The following UBAC2 variants were observed in gnomAD, a reference collection of about 807,000 sequenced individuals.
The protein encoded by UBAC2 is ubiquitin-associated domain-containing protein 2.
UBAC2 carries 26 observed loss-of-function variants against 44.0 expected under a neutral mutation model. The ratio of observed to expected loss-of-function variants is 0.59; its 90% CI spans 0.43 to 0.82. UBAC2 has a LOEUF of 0.82. UBAC2 is among the 40% of genes least tolerant of loss of function. The pLI is 0.00. For missense variants in UBAC2, 329 were observed against 419.4 expected (o/e 0.78, Z 1.88); for synonymous variants, 155 against 154.3 (o/e 1.00, Z -0.04).
intron 1 of UBAC2, among the ~76,000 whole-genome samples, chr13:99,223,548 T>G (rs1218178387): frequency 8.9e-6 from 1 of 112,340 alleles, no homozygotes; most frequent in Non-Finnish European, 2.3e-5. Flanking sequence ...TTCTGTTTTT[T>G]TTTTTTTTTT....
Position 99,338,071 on chromosome 13 carries a change from T to TTTTTTTTTA in UBAC2, c.562-2245_562-2244insTTTTATTTT, listed in dbSNP as rs1555330450. Among the ~76,000 whole-genome samples the TTTTTTTTTA allele has an allele frequency of 8.8e-4, 92 of 105,134 alleles. 1 individual carries two copies. Among genetic ancestry groups the TTTTTTTTTA allele is most frequent in the Non-Finnish European group, 1.4e-3 (76 of 52,662 alleles). 69.0% of individuals were successfully genotyped at this position (105,134 alleles called of 152,430 possible). A position where few individuals can be genotyped will look rare whatever the true frequency, so the allele number is the denominator to read the frequency against. On this transcript the variant is annotated intron_variant, in intron 6 of 8. Transcript: ENST00000403766. ...TCTTTTTTTTTTTTTTTTTTTTTTT[T>TTTTTTTTTA]TTTTGAGACAGAGTCTCACTGTGTC...
chr13:99,284,253 G>A (rs1364889538), intron 4 of UBAC2, among the ~76,000 whole-genome samples: 4 of 152,222 alleles, frequency 2.6e-5, no homozygotes. Context: ...TTGGGGGGAA[G>A]TGCCCCCATG....
intron 6 of UBAC2, among the ~76,000 whole-genome samples, chr13:99,324,392 C>T (rs569221871): frequency 6.6e-6 from 1 of 151,304 alleles, no homozygotes; most frequent in South Asian, 2.2e-4. Flanking sequence ...TCCACCATTG[C>T]TCTGTCCCCT....
chr13:99,339,472 A>C (rs1054613234), intron 6 of UBAC2, among the ~76,000 whole-genome samples: 1 of 152,204 alleles, frequency 6.6e-6, no homozygotes, highest in African/African-American at 2.4e-5. Flanking sequence ...CTGTATTCTA[A>C]GTTCCCAGAA....
intron 1 of UBAC2, among the ~76,000 whole-genome samples, chr13:99,213,931 T>C (rs2042962522): frequency 6.6e-6 from 1 of 152,170 alleles, no homozygotes; most frequent in Non-Finnish European, 1.5e-5. Context: ...GCGATTCTCC[T>C]GTCTCAGCCT....
At chr13:99,285,485 T>C (rs768880759) in intron 4 of UBAC2, among the ~76,000 whole-genome samples, 8 of 152,044 alleles carry the variant, frequency 5.3e-5, no homozygotes, top group Non-Finnish European at 8.8e-5. Flanking sequence ...GTCAAACTTC[T>C]GGGCTCAAGG....
intron 1 of UBAC2, among the ~76,000 whole-genome samples, chr13:99,235,152 C>T (rs954786019): frequency 1.3e-5 from 2 of 152,172 alleles, no homozygotes; most frequent in Non-Finnish European, 2.9e-5. Flanking sequence ...GGGGCCACTA[C>T]AGTCAGCAGT....
intron 4 of UBAC2, chr13:99,255,624 T>G (rs753159651): frequency 1.2e-6 from 2 of 1,614,124 alleles, no homozygotes; most frequent in Non-Finnish European, 1.7e-6. Context: ...ATTCATCTTT[T>G]GCATAATAAA....
At chr13:99,255,333 A>G (rs777481240) in intron 4 of UBAC2, 5 of 1,614,012 alleles carry the variant, frequency 3.1e-6, no homozygotes, top group Admixed American at 3.3e-5. Context: ...CAGCTTTTAG[A>G]TAGATGATGT....
intron 2 of UBAC2, among the ~76,000 whole-genome samples, chr13:99,239,413 C>T (rs539313362): frequency 2.6e-5 from 4 of 152,310 alleles, no homozygotes; most frequent in East Asian, 1.9e-4. Flanking sequence ...TCTATACTTA[C>T]GTGAAGGTAT....
In UBAC2 at chr13:99,295,053, A is replaced by G. The variant is rs531214121; in HGVS notation, c.390-19044A>G. On this transcript the variant is annotated intron_variant, in intron 4 of 8. Coordinates refer to ENST00000403766, the MANE Select transcript of UBAC2 (RefSeq NM_001144072.2). This position sits in a 1 kb window ranked among gnomAD's most constrained non-coding sequence, Gnocchi z 4.1. ...TTACGTCACTATAAACCAAAATACA[A>G]TCCATTTCACTTTCCATTTGAAGAC... 1.9e-6 allele frequency: 3 copies of G among 1,610,962 alleles called. No homozygotes were observed. Among genetic ancestry groups the G allele is most frequent in the South Asian group, 2.2e-5 (2 of 90,626 alleles).
intron 1 of UBAC2, among the ~76,000 whole-genome samples, chr13:99,206,566 T>C (rs1435139671): frequency 6.6e-6 from 1 of 152,148 alleles, no homozygotes; most frequent in African/African-American, 2.4e-5. Context: ...TCATATCCAG[T>C]CTGGAACCTG....
At chr13:99,265,289 G>A (rs765963735) in intron 4 of UBAC2, among the ~76,000 whole-genome samples, 2 of 152,214 alleles carry the variant, frequency 1.3e-5, no homozygotes, top group Non-Finnish European at 2.9e-5. Context: ...AGCTTCTTGC[G>A]CTCAGCAAGC....
intron 4 of UBAC2, among the ~76,000 whole-genome samples, chr13:99,287,643 CTTTTT>C (rs11304203): frequency 3.2e-5 from 3 of 95,150 alleles, no homozygotes; most frequent in Admixed American, 1.2e-4. Flanking sequence ...TTTTTTCTTT[CTTTTT>C]TTTTTTTTTT....
chr13:99,314,262 CTTTTTTTT>C (rs57005833), intron 5 of UBAC2, 42 bp downstream of exon 5: 18 of 1,149,916 alleles, frequency 1.6e-5, no homozygotes, highest in Non-Finnish European at 2.0e-5. Flanking sequence ...TTAACCAGAT[CTTTTTTTT>C]TTTTTTTTTT....
chr13:99,213,209 A>C (rs1330675935), intron 1 of UBAC2, among the ~76,000 whole-genome samples: 2 of 145,422 alleles, frequency 1.4e-5, no homozygotes, highest in African/African-American at 4.9e-5. Flanking sequence ...AATGATTATA[A>C]CTTTTTTTTT....
intron 1 of UBAC2, among the ~76,000 whole-genome samples, chr13:99,229,061 C>T (rs1566456819): frequency 6.6e-6 from 1 of 152,170 alleles, no homozygotes; most frequent in African/African-American, 2.4e-5. Context: ...ATGATCTGGA[C>T]GTTTCATCTG....
At chr13:99,312,534 A>G (rs1365151189) in intron 4 of UBAC2, among the ~76,000 whole-genome samples, 1 of 152,148 alleles carries the variant, frequency 6.6e-6, no homozygotes, top group East Asian at 1.9e-4. Context: ...ACGTAGTTGT[A>G]GCTCCTGTGC....
chr13:99,312,257 A>T (rs1035652669), intron 4 of UBAC2, among the ~76,000 whole-genome samples: 1 of 152,248 alleles, frequency 6.6e-6, no homozygotes, highest in African/African-American at 2.4e-5. Context: ...AATGGCACCA[A>T]GGACAGTTCT....
Sources: gnomAD v4.1 joint callset for allele counts (sites outside exome capture counted in the v4.1 genomes callset) on GRCh38, gnomAD v4.1.1 for gene constraint, Gnocchi (gnomAD v3.1) non-coding constraint, MANE v1.5 for transcripts, NCBI Gene and HGNC (gene_info 2026-07-23, HGNC 2026-07-21) for gene names.